The following UBE2E2 variants were observed in gnomAD, a reference collection of about 807,000 sequenced individuals.
The protein encoded by UBE2E2 is ubiquitin-conjugating enzyme E2 E2.
UBE2E2 carries 6 observed loss-of-function variants against 24.7 expected under a neutral mutation model. That is an observed-to-expected ratio of 0.24 (90% confidence interval 0.13 to 0.48). UBE2E2 has a LOEUF of 0.48. Ranked by LOEUF, UBE2E2 falls within the 20% of genes least tolerant of loss-of-function variation. The pLI, the probability that UBE2E2 is intolerant of heterozygous loss-of-function variation, is 0.99. For synonymous variants in UBE2E2, 104 were observed against 83.6 expected (o/e 1.24, Z -1.33); for missense variants, 169 against 245.0 (o/e 0.69, Z 2.07).
At chr3:23,323,522 A>T in intron 3 of UBE2E2, 1 of 447,930 alleles carries the variant, frequency 2.2e-6, no homozygotes. Context: ...CAGCACCAAC[A>T]TAACACTGAA....
At chr3:23,355,378 TAATG>T (rs1336950081) in intron 3 of UBE2E2, among the ~76,000 whole-genome samples, 4 of 151,984 alleles carry the variant, frequency 2.6e-5, no homozygotes, top group Non-Finnish European at 5.9e-5. Flanking sequence ...AGTATAATAA[TAATG>T]AAAGACAAAA....
intron 3 of UBE2E2, among the ~76,000 whole-genome samples, chr3:23,318,589 C>T (rs937765548): frequency 5.9e-5 from 9 of 151,904 alleles, no homozygotes; most frequent in African/African-American, 1.7e-4. Context: ...GCAAAAGGCA[C>T]GTCTATGTGG....
At chr3:23,503,856 A>G (rs1377213332) in intron 4 of UBE2E2, among the ~76,000 whole-genome samples, 1 of 145,652 alleles carries the variant, frequency 6.9e-6, no homozygotes, top group Admixed American at 6.8e-5. Flanking sequence ...CTGTCTCTAA[A>G]TGAATAAATA....
chr3:23,253,832 T>C (rs1466216173), intron 3 of UBE2E2, among the ~76,000 whole-genome samples: 6 of 152,254 alleles, frequency 3.9e-5, no homozygotes, highest in Admixed American at 6.5e-5. Flanking sequence ...AAATTGTGAT[T>C]ATGAGTTTAT....
intron 3 of UBE2E2, among the ~76,000 whole-genome samples, chr3:23,454,487 G>T (rs1006310220): frequency 1.3e-5 from 2 of 152,120 alleles, no homozygotes; most frequent in South Asian, 2.1e-4. Context: ...CTGCTACCTT[G>T]TATCTTTAGT....
intron 3 of UBE2E2, among the ~76,000 whole-genome samples, chr3:23,452,991 A>G (rs1255113840): frequency 6.6e-6 from 1 of 152,198 alleles, no homozygotes; most frequent in African/African-American, 2.4e-5. Flanking sequence ...AAGTGCACTA[A>G]TACTGCTTAG....
At chr3:23,425,917 C>T (rs1697914563) in intron 3 of UBE2E2, among the ~76,000 whole-genome samples, 1 of 152,150 alleles carries the variant, frequency 6.6e-6, no homozygotes, top group Non-Finnish European at 1.5e-5. Flanking sequence ...GAACCAGATT[C>T]AGATATGGCA....
intron 3 of UBE2E2, among the ~76,000 whole-genome samples, chr3:23,253,573 A>C (rs1014490998): frequency 2.2e-4 from 33 of 152,232 alleles, no homozygotes; most frequent in African/African-American, 7.7e-4. Context: ...AGTAGCAACA[A>C]AAATGTTAGT....
intron 3 of UBE2E2, among the ~76,000 whole-genome samples, chr3:23,240,094 A>G (rs1191289931): frequency 6.6e-6 from 1 of 152,184 alleles, no homozygotes; most frequent in Non-Finnish European, 1.5e-5. Flanking sequence ...TAGGCATCTC[A>G]ATAATATCCC....
chr3:23,353,115 C>G (rs1214899512), intron 3 of UBE2E2, among the ~76,000 whole-genome samples: 1 of 152,216 alleles, frequency 6.6e-6, no homozygotes, highest in Non-Finnish European at 1.5e-5. Flanking sequence ...AGCATATAAA[C>G]AGAACCAAAG....
intron 3 of UBE2E2, among the ~76,000 whole-genome samples, chr3:23,409,079 C>T (rs549267485): frequency 3.5e-4 from 53 of 152,202 alleles, no homozygotes; most frequent in Non-Finnish European, 7.1e-4. Context: ...ATTCTGATGG[C>T]ATTGTTGGGC....
intron 3 of UBE2E2, among the ~76,000 whole-genome samples, chr3:23,418,595 A>G (rs1293732940): frequency 6.6e-6 from 1 of 152,204 alleles, no homozygotes; most frequent in Non-Finnish European, 1.5e-5. Context: ...TTATTCTTGT[A>G]TAGAGTTGTC....
intron 3 of UBE2E2, among the ~76,000 whole-genome samples, chr3:23,438,842 T>G (rs908337398): frequency 6.6e-6 from 1 of 152,224 alleles, no homozygotes; most frequent in Non-Finnish European, 1.5e-5. Flanking sequence ...TCAGAATTAC[T>G]GTGGGTTTAT....
intron 3 of UBE2E2, among the ~76,000 whole-genome samples, chr3:23,380,185 A>G (rs1440735910): frequency 6.6e-6 from 1 of 151,780 alleles, no homozygotes. Flanking sequence ...GGTAGTGACT[A>G]ACCATCACTA....
chr3:23,531,367 A>G (rs1425787654), intron 4 of UBE2E2, among the ~76,000 whole-genome samples: 1 of 151,902 alleles, frequency 6.6e-6, no homozygotes, highest in Non-Finnish European at 1.5e-5. Context: ...TATGAACATA[A>G]TATTAATCAA....
intron 3 of UBE2E2, among the ~76,000 whole-genome samples, chr3:23,418,066 C>T (rs537521252): frequency 4.9e-4 from 74 of 152,066 alleles, no homozygotes; most frequent in Non-Finnish European, 9.0e-4. Flanking sequence ...GGGGAGTGAA[C>T]GGTTCTGTCT....
chr3:23,557,975 G>A lies in UBE2E2; in HGVS notation c.508+25274G>A, dbSNP rs151265024. ...ATCAACACACTAGGTCAGCCTATGC[G>A]TCTAAGAGAAACATGTCAACATGGC... On this transcript the variant is annotated intron_variant, in intron 5 of 5. Transcript: ENST00000396703. 3.5e-3 allele frequency among the ~76,000 whole-genome samples: 539 copies of A among 152,292 alleles called. 2 individuals are homozygous for A. The highest frequency in any genetic ancestry group is 5.2e-3 in the Non-Finnish European group (356 of 68,020).
At chr3:23,261,885 A>G (rs1256021993) in intron 3 of UBE2E2, among the ~76,000 whole-genome samples, 1 of 152,174 alleles carries the variant, frequency 6.6e-6, no homozygotes, top group Non-Finnish European at 1.5e-5. Flanking sequence ...GTGTATGGGC[A>G]CTTAGGTCAT....
intron 3 of UBE2E2, among the ~76,000 whole-genome samples, chr3:23,376,793 G>C (rs1696532399): frequency 6.6e-6 from 1 of 152,198 alleles, no homozygotes; most frequent in South Asian, 2.1e-4. Flanking sequence ...AACTCTCAAA[G>C]TGTCTGTCAA....
Sources: gnomAD v4.1 joint callset for allele counts (sites outside exome capture counted in the v4.1 genomes callset) on GRCh38, gnomAD v4.1.1 for gene constraint, MANE v1.5 for transcripts, NCBI Gene and HGNC (gene_info 2026-07-23, HGNC 2026-07-21) for gene names.